The following UPP2 variants were observed in gnomAD, a reference collection of about 807,000 sequenced individuals.
UPP2 encodes UPase 2.
Under a neutral mutation model 26.7 loss-of-function variants are expected in UPP2, and 23 were observed. The ratio of observed to expected loss-of-function variants is 0.86; its 90% CI spans 0.62 to 1.22. The LOEUF (loss-of-function observed/expected upper bound fraction) is 1.22, where lower values mean the gene tolerates loss of function less well. Among genes scored for constraint, UPP2 ranks in the 50% most tolerant of loss-of-function variants. The pLI is 0.00. For synonymous variants in UPP2, 127 were observed against 141.3 expected, an observed-to-expected ratio of 0.90 and a Z score of 0.72; for missense variants, 387 against 396.7, an observed-to-expected ratio of 0.98 and a Z score of 0.21.
chr2:158,096,253 T>C (rs1172055527), intron 3 of UPP2, among the ~76,000 whole-genome samples: 4 of 152,310 alleles, frequency 2.6e-5, no homozygotes, highest in Middle Eastern at 3.4e-3. Flanking sequence ...TTCTTTTCAT[T>C]TGGATGTTGC....
chr2:158,001,646 C>T (rs951477629), intron 2 of UPP2, among the ~76,000 whole-genome samples: 1 of 152,020 alleles, frequency 6.6e-6, no homozygotes, highest in African/African-American at 2.4e-5. Context: ...TCAAGCACGC[C>T]CTAGATCTTG....
chr2:158,124,065 A>T (rs6437135), intron 6 of UPP2, among the ~76,000 whole-genome samples, 170 bp downstream of exon 6: 73,586 of 151,994 alleles, frequency 0.48, 18,626 homozygotes, highest in Non-Finnish European at 0.56. Flanking sequence ...TGGCCAGGAC[A>T]TTATTCTTAT....
rs558422239 is a variant in UPP2 at position 158,121,681 on chromosome 2, A to G, written c.664+63A>G. ...ATGCCAGCAACTCTTTGTTATTCAA[A>G]CCCATAATTTATATTAACAACTCTA... On this transcript the variant is annotated intron_variant, in intron 5 of 6. Coordinates refer to ENST00000005756, the MANE Select transcript of UPP2 (RefSeq NM_173355.4). 4.9e-6 allele frequency: 7 copies of G among 1,425,290 alleles called. No homozygotes were observed. The South Asian group carries it at 8.4e-5, about 17-fold the overall frequency. The allele number at this position is 1,425,290 out of a possible 1,614,324, so 88.3% of individuals were successfully genotyped here. A position where few individuals can be genotyped will look rare whatever the true frequency, so the allele number is the denominator to read the frequency against.
intron 6 of UPP2, among the ~76,000 whole-genome samples, chr2:158,130,461 AC>A (rs1214583753): frequency 5.7e-5 from 4 of 70,336 alleles, no homozygotes; most frequent in African/African-American, 2.9e-4. Flanking sequence ...AAAAAAAAAA[AC>A]AAAAAAAAAA....
chr2:158,125,303 G>A (rs1683669351), intron 6 of UPP2, among the ~76,000 whole-genome samples: 1 of 152,130 alleles, frequency 6.6e-6, no homozygotes, highest in South Asian at 2.1e-4. Context: ...AAAAGCTGTA[G>A]TTCTAAGGAG....
chr2:158,103,331 T>C (rs7559218), intron 1 of UPP2, among the ~76,000 whole-genome samples: 3,766 of 152,272 alleles, frequency 0.025, 157 homozygotes, highest in African/African-American at 0.083. Context: ...ATAATTAATA[T>C]AAGTGAAAAT....
chr2:158,039,238 A>G (rs1684050371), intron 3 of UPP2, among the ~76,000 whole-genome samples: 1 of 152,182 alleles, frequency 6.6e-6, no homozygotes, highest in Non-Finnish European at 1.5e-5. Context: ...GCAGACCCAC[A>G]GGTGGTAGAA....
intron 3 of UPP2, 94 bp from the exon 4 acceptor site, chr2:158,117,730 C>A: frequency 1.1e-6 from 1 of 952,176 alleles, no homozygotes; most frequent in Non-Finnish European, 1.7e-6. Context: ...GTAAATGTAT[C>A]TGAGGCCTGT....
At chr2:158,079,599 C>T (rs1682688955) in intron 3 of UPP2, among the ~76,000 whole-genome samples, 1 of 152,176 alleles carries the variant, frequency 6.6e-6, no homozygotes, top group South Asian at 2.1e-4. Context: ...TTAAATCATA[C>T]TAAACCCATT....
chr2:158,050,876 C>T (rs1682143744), intron 3 of UPP2, among the ~76,000 whole-genome samples: 1 of 152,054 alleles, frequency 6.6e-6, no homozygotes, highest in African/African-American at 2.4e-5. Context: ...AACAGAGTGA[C>T]TATAGTCAAT....
intron 2 of UPP2, among the ~76,000 whole-genome samples, chr2:158,013,228 T>G (rs796574347): frequency 6.6e-5 from 10 of 152,322 alleles, no homozygotes; most frequent in African/African-American, 2.4e-4. Context: ...ACTCCTGGCT[T>G]TAAGTGATCC....
chr2:158,107,776 TG>T (rs1683226732), intron 2 of UPP2, among the ~76,000 whole-genome samples: 1 of 152,108 alleles, frequency 6.6e-6, no homozygotes, highest in African/African-American at 2.4e-5. Flanking sequence ...TGTGAGGGCA[TG>T]GGTGGGTGTC....
chr2:158,125,838 G>A (rs1683681848), intron 6 of UPP2, among the ~76,000 whole-genome samples: 1 of 152,176 alleles, frequency 6.6e-6, no homozygotes, highest in Admixed American at 6.5e-5. Context: ...AGCCTGCAGG[G>A]ACACCTGGAT....
intron 2 of UPP2, among the ~76,000 whole-genome samples, chr2:158,003,815 A>G (rs1683446357): frequency 6.6e-6 from 1 of 152,196 alleles, no homozygotes; most frequent in African/African-American, 2.4e-5. Context: ...GGGTATATAG[A>G]AGTAAATACA....
intron 3 of UPP2, among the ~76,000 whole-genome samples, chr2:158,093,501 T>C (rs1433840689): frequency 6.6e-6 from 1 of 152,058 alleles, no homozygotes; most frequent in Non-Finnish European, 1.5e-5. Flanking sequence ...AGGATCAGTA[T>C]TCATCATATA....
chr2:158,002,104 T>G (rs1683418903), intron 2 of UPP2, among the ~76,000 whole-genome samples: 1 of 152,070 alleles, frequency 6.6e-6, no homozygotes. Context: ...TCACCTCATT[T>G]TTCAAAGTGC....
At chr2:158,006,246 T>A (rs1275262705) in intron 2 of UPP2, among the ~76,000 whole-genome samples, 2 of 152,120 alleles carry the variant, frequency 1.3e-5, no homozygotes, top group African/African-American at 4.8e-5. Context: ...GATCACGAGG[T>A]CAGGAGATCA....
At chr2:158,115,549 G>A (rs191839776) in intron 3 of UPP2, among the ~76,000 whole-genome samples, 118 of 152,114 alleles carry the variant, frequency 7.8e-4, no homozygotes, top group Non-Finnish European at 1.4e-3. Flanking sequence ...CCCCCGCCAC[G>A]GCAATTTTCC....
chr2:158,001,574 C>T (rs1229892501), intron 2 of UPP2, among the ~76,000 whole-genome samples: 2 of 152,148 alleles, frequency 1.3e-5, no homozygotes, highest in South Asian at 4.1e-4. Flanking sequence ...CAGCCTCCTA[C>T]TTGGGGCACA....
Sources: allele counts gnomAD v4.1 joint callset (sites outside exome capture counted in the v4.1 genomes callset), GRCh38; gene constraint gnomAD v4.1.1; transcripts MANE v1.5; gene names NCBI Gene and HGNC (gene_info 2026-07-23, HGNC 2026-07-21).